ASB2: variants seen among roughly 807,000 people sequenced by gnomAD.
The protein encoded by ASB2 is ankyrin repeat and SOCS box containing 2, also known as ankyrin repeat and SOCS box protein 2.
A neutral mutation model predicts 62.4 loss-of-function variants in ASB2; 58 were observed. That is an observed-to-expected ratio of 0.93 (90% CI 0.75 to 1.16). ASB2 has a LOEUF of 1.16. Ranked by LOEUF, ASB2 falls within the 50% of genes most tolerant of loss-of-function variation. The pLI is 0.00. For missense variants in ASB2, 928 were observed against 887.9 expected, an observed-to-expected ratio of 1.05 and a Z score of -0.57; for synonymous variants, 386 against 385.3, an observed-to-expected ratio of 1.00 and a Z score of -0.02.
rs1159357612 is a variant in ASB2 at position 93,964,478 on chromosome 14, A to G, written c.62T>C (p.Leu21Pro). 1.0e-5 allele frequency: 16 copies of G among 1,535,974 alleles called. No individual in the cohort carries two copies. The highest frequency in any genetic ancestry group is 1.4e-5 in the Non-Finnish European group (16 of 1,146,890). The change falls in exon 2 of 10, where the codon CTG (leucine) becomes CCG (proline). Residue 21 changes from leucine (L) to proline (P), a missense_variant. Coordinates refer to ENST00000555019, the MANE Select transcript of ASB2 (RefSeq NM_001202429.2). ...QCTIGQEEYS[L>P]YSSLSEDELV... ...TTCATCCTCGCTCAGGCTGCTGTAC[A>G]GGCTGTACTCCTCCTGCCCAATGGT... is the stretch of plus-strand genomic sequence containing the variant.
At chr14:93,974,740 C>T (rs754379373) in intron 1 of ASB2, among the ~76,000 whole-genome samples, 2 of 152,238 alleles carry the variant, frequency 1.3e-5, no homozygotes, top group Non-Finnish European at 2.9e-5. Flanking sequence ...AACCTGTTTC[C>T]AGACCTGAAA....
chr14:93,943,472 C>T (rs1021926067), intron 7 of ASB2, among the ~76,000 whole-genome samples: 7 of 152,262 alleles, frequency 4.6e-5, no homozygotes, highest in African/African-American at 1.2e-4. Context: ...TGATGAAACC[C>T]GGTCTCTACT....
intron 2 of ASB2, 56 bp from the exon 3 acceptor site, chr14:93,956,926 G>C (rs759333718): frequency 2.5e-6 from 4 of 1,607,610 alleles, no homozygotes; most frequent in Admixed American, 1.7e-5. Context: ...TAGGAGAAGC[G>C]GGTCATGGCT....
At chr14:93,964,047 C>G (rs1421739187) in intron 2 of ASB2, among the ~76,000 whole-genome samples, 1 of 152,182 alleles carries the variant, frequency 6.6e-6, no homozygotes, top group African/African-American at 2.4e-5. Flanking sequence ...CCTCGGGCCT[C>G]TTTTTCAGCC....
chr14:93,965,496 C>T (rs1415417035), intron 1 of ASB2, among the ~76,000 whole-genome samples: 1 of 152,216 alleles, frequency 6.6e-6, no homozygotes, highest in Non-Finnish European at 1.5e-5. Context: ...ATTCCAGTGA[C>T]TCTTTTCTTA....
chr14:93,956,766 G>T lies in ASB2; in HGVS notation c.311C>A (p.Ala104Glu), dbSNP rs34860343. 6.2e-7 allele frequency: 1 copy of T among 1,614,014 alleles called. No individual in the cohort carries two copies. The highest frequency in any genetic ancestry group is 1.3e-5 in the African/African-American group (1 of 74,930). ...SSSLFKTSQL[A>E]PADPLIKAIK... ...CTGGGGCCAGACAGGAGTCACTTAC[G>T]CCAGCTGGGAGGTCTTGAACAAGCT... The change falls in exon 3 of 10, where the codon GCG becomes GAG. Residue 104 changes from alanine (A) to glutamate (E), a missense_variant and splice_region_variant. By Grantham distance (107) the Ala-to-Glu change is moderately radical. Transcript: ENST00000555019.
rs752381500 is a variant in ASB2, at chr14:93,934,612, T to C, written c.*44A>G. On this transcript the variant is annotated 3_prime_UTR_variant, in exon 10 of 10. Transcript: ENST00000555019. Reference sequence around the variant, plus strand: ...GGAACACCGACGTCCTGAGACTTAGTAAGAAGAGTCTGAGGGGCTACTCCT... The same window carrying C: ...GGAACACCGACGTCCTGAGACTTAGCAAGAAGAGTCTGAGGGGCTACTCCT... 7 of 1,605,232 alleles carry C rather than the reference T, an allele frequency of 4.4e-6. No individual in the cohort carries two copies. Among genetic ancestry groups the C allele is most frequent in the Non-Finnish European group, 3.4e-6 (4 of 1,173,300 alleles).
intron 7 of ASB2, 111 bp downstream of exon 7, chr14:93,947,238 C>A: frequency 8.3e-7 from 1 of 1,202,168 alleles, no homozygotes; most frequent in Non-Finnish European, 1.2e-6. Context: ...CTCTCCTGGG[C>A]CTCCCTAATC....
intron 1 of ASB2, among the ~76,000 whole-genome samples, chr14:93,965,132 A>G (rs987088438): frequency 2.0e-5 from 3 of 152,104 alleles, no homozygotes; most frequent in African/African-American, 7.2e-5. Flanking sequence ...GCATCATCAC[A>G]TCCACCCACC....
rs1054664240 is a variant in ASB2, at chr14:93,976,555, C to T, written c.-195G>A. On this transcript the variant is annotated 5_prime_UTR_variant, in exon 1 of 10. Coordinates refer to ENST00000555019, the MANE Select transcript of ASB2 (RefSeq NM_001202429.2). ...TGCCCTGGCCCCAAGCTTCTGGCTG[C>T]TCTGCCAGGCAGTTCTGAAACGCTG... 6.6e-6 allele frequency: 1 copy of T among 152,256 alleles called. No individual in the cohort carries two copies. The highest frequency in any genetic ancestry group is 1.5e-5 in the Non-Finnish European group (1 of 68,052). 9.4% of individuals were successfully genotyped at this position (152,256 alleles called of 1,614,324 possible). A position where few individuals can be genotyped will look rare whatever the true frequency, so the allele number is the denominator to read the frequency against.
At chr14:93,954,612 G>T in intron 3 of ASB2, 129 bp from the exon 4 acceptor site, 1 of 754,998 alleles carries the variant, frequency 1.3e-6, no homozygotes, top group African/African-American at 1.7e-5. Context: ...TGAGCACTCA[G>T]CCCCCTGCAG....
chr14:93,938,233 CTTTTTTT>C (rs35127276), intron 8 of ASB2, among the ~76,000 whole-genome samples: 5 of 67,586 alleles, frequency 7.4e-5, no homozygotes, highest in African/African-American at 2.4e-4. Context: ...TAAGTTCTGA[CTTTTTTT>C]TTTTTTTTTT....
chr14:93,954,195 T>A, intron 4 of ASB2, 122 bp downstream of exon 4: 1 of 793,344 alleles, frequency 1.3e-6, no homozygotes, highest in Middle Eastern at 3.8e-4. Flanking sequence ...CAAATGAAAG[T>A]GACAGCCTTG....
intron 9 of ASB2, 103 bp from the exon 10 acceptor site, chr14:93,934,895 T>A: frequency 1.0e-6 from 1 of 977,474 alleles, no homozygotes; most frequent in Non-Finnish European, 1.6e-6. Flanking sequence ...CTGATGTGGC[T>A]GGGTAAGAGA....
intron 9 of ASB2, among the ~76,000 whole-genome samples, chr14:93,936,686 T>G (rs1888282561): frequency 6.6e-6 from 1 of 152,142 alleles, no homozygotes; most frequent in African/African-American, 2.4e-5. Context: ...CAAGGAGGAA[T>G]GTGGTGAGTC....
Position 93,951,330 on chromosome 14 carries a change from C to T in ASB2, c.635-86G>A, listed in dbSNP as rs1430959544. The T allele has an allele frequency of 4.9e-6, 7 of 1,432,990 alleles. No individual in the cohort carries two copies. In the Admixed American group the frequency reaches 6.1e-5, roughly 13 times the overall value. 88.8% of individuals were successfully genotyped at this position (1,432,990 alleles called of 1,614,324 possible). A position where few individuals can be genotyped will look rare whatever the true frequency, so the allele number is the denominator to read the frequency against. ...CTGCATTCATTCGCCTGTCCATTCA[C>T]TCATCCACTCATTCAGCTTTCCACT... is the stretch of plus-strand genomic sequence containing the variant. On this transcript the variant is annotated intron_variant, in intron 5 of 9. Transcript: ENST00000555019.
At chr14:93,945,512 C>T (rs1372396340) in intron 7 of ASB2, among the ~76,000 whole-genome samples, 1 of 152,188 alleles carries the variant, frequency 6.6e-6, no homozygotes, top group Non-Finnish European at 1.5e-5. Flanking sequence ...TTTACTGGTC[C>T]TCCGACAACC....
rs979056618 is a variant in ASB2, at chr14:93,934,813, CAG to C, written c.1772-23_1772-22del. ...AGGTTCTGAAAAAAGGAGGGAAAGA[CAG>C]AGGCTGATTTGTCATTTGCAATAAG... On this transcript the variant is annotated intron_variant, in intron 9 of 9. Transcript: ENST00000555019. 5.6e-6 allele frequency: 9 copies of C among 1,606,902 alleles called. No individual in the cohort carries two copies. In the African/African-American group the frequency reaches 6.7e-5, roughly 12 times the overall value.
At chr14:93,962,598 T>C (rs1225812512) in intron 2 of ASB2, among the ~76,000 whole-genome samples, 1 of 152,286 alleles carries the variant, frequency 6.6e-6, no homozygotes, top group East Asian at 1.9e-4. Flanking sequence ...GCTGAATAAA[T>C]GTTCATGGCC....
Sources: gnomAD v4.1 joint callset for allele counts (sites outside exome capture counted in the v4.1 genomes callset) on GRCh38, gnomAD v4.1.1 for gene constraint, MANE v1.5 for transcripts, NCBI Gene and HGNC (gene_info 2026-07-23, HGNC 2026-07-21) for gene names.